SORD: variants seen among roughly 807,000 people sequenced by gnomAD.
The protein encoded by SORD is (R,R)-butanediol dehydrogenase.
In SORD, 18 loss-of-function variants were observed where a neutral mutation model predicts 35.6. The observed-to-expected ratio is 0.51, with a 90% confidence interval of 0.35 to 0.75. SORD has a LOEUF of 0.75. SORD is among the 30% of genes least tolerant of loss of function. SORD has a pLI of 0.01. For synonymous variants in SORD, 106 were observed against 152.9 expected (o/e 0.69, Z 2.26); for missense variants, 250 against 390.2 (o/e 0.64, Z 3.03).
intron 3 of SORD, 68 bp from the exon 4 acceptor site, chr15:45,060,999 C>T (rs761705721): frequency 1.9e-6 from 3 of 1,602,060 alleles, no homozygotes; most frequent in African/African-American, 1.3e-5. Flanking sequence ...AACAAAGAAC[C>T]AGACCAAAGA....
chr15:45,035,053 G>T lies in SORD; in HGVS notation c.67-5355G>T, dbSNP rs928768453. Reference sequence around the variant, plus strand: ...GGCGCTGCGCTCGATTTCTCGCCGGGCCTTAGCTGCCTTCCCGCGGGGCAG... The same window carrying T: ...GGCGCTGCGCTCGATTTCTCGCCGGTCCTTAGCTGCCTTCCCGCGGGGCAG... On this transcript the variant is annotated intron_variant, in intron 1 of 8. Transcript: ENST00000267814. Among the ~76,000 whole-genome samples the T allele has an allele frequency of 9.8e-5, 15 of 152,304 alleles. No homozygotes were observed. The East Asian group carries it at 2.9e-3, about 29-fold the overall frequency.
At chr15:45,023,669 T>A (rs1892625484) in intron 1 of SORD, among the ~76,000 whole-genome samples, 1 of 152,252 alleles carries the variant, frequency 6.6e-6, no homozygotes, top group Non-Finnish European at 1.5e-5. Context: ...CAGCCTCTTG[T>A]CATTGACCTT....
intron 1 of SORD, among the ~76,000 whole-genome samples, chr15:45,029,742 A>G (rs1036165324): frequency 1.3e-5 from 2 of 152,232 alleles, no homozygotes; most frequent in African/African-American, 4.8e-5. Flanking sequence ...CAGATGATTG[A>G]AGGATGGTGA....
At chr15:45,050,143 C>T (rs1156315776) in intron 3 of SORD, among the ~76,000 whole-genome samples, 7 of 152,108 alleles carry the variant, frequency 4.6e-5, no homozygotes, top group Non-Finnish European at 7.4e-5. Context: ...AGTGCAGTGG[C>T]GCCATCTGGC....
At chr15:45,042,479 GA>G (rs1474532792) in intron 2 of SORD, 1 of 151,066 alleles carries the variant, frequency 6.6e-6, no homozygotes, top group East Asian at 1.9e-4. Flanking sequence ...GCGACAGAGG[GA>G]GACTCTGTCT....
rs191728143 is a variant in SORD, at chr15:45,066,682, C to T, written c.544+1293C>T. Among the ~76,000 whole-genome samples, 912 of 152,318 alleles carry T rather than the reference C, an allele frequency of 6.0e-3. 3 individuals are homozygous for T. Among genetic ancestry groups the T allele is most frequent in the Non-Finnish European group, 0.01 (712 of 68,032 alleles). On this transcript the variant is annotated intron_variant, in intron 5 of 8. Transcript: ENST00000267814. ...TCTGGTGACCCAGACAGTACGCTCA[C>T]GCTCCTTGTGGGTGTGATCTGGTGT...
At chr15:45,039,575 C>A (rs1188618377) in intron 1 of SORD, among the ~76,000 whole-genome samples, 1 of 152,242 alleles carries the variant, frequency 6.6e-6, no homozygotes, top group African/African-American at 2.4e-5. Context: ...ACTACTGCTG[C>A]TACTGCTACT....
intron 2 of SORD, 150 bp downstream of exon 2, chr15:45,040,591 A>G (rs36087922): frequency 9.1e-6 from 6 of 660,102 alleles, no homozygotes; most frequent in Non-Finnish European, 1.6e-5. Flanking sequence ...CTGAGAACAG[A>G]GTCTACTGCC....
chr15:45,063,610 A>C (rs986904527), intron 4 of SORD, among the ~76,000 whole-genome samples: 1 of 152,144 alleles, frequency 6.6e-6, no homozygotes, highest in Non-Finnish European at 1.5e-5. Flanking sequence ...CTGCTTAATC[A>C]GTAGAGTATT....
At chr15:45,038,500 A>G (rs1414630517) in intron 1 of SORD, among the ~76,000 whole-genome samples, 1 of 152,196 alleles carries the variant, frequency 6.6e-6, no homozygotes, top group East Asian at 1.9e-4. Context: ...AAGAGGTTCA[A>G]ATTAGCACTG....
chr15:45,064,934 G>A (rs1453383616), intron 4 of SORD, among the ~76,000 whole-genome samples: 1 of 152,178 alleles, frequency 6.6e-6, no homozygotes, highest in Non-Finnish European at 1.5e-5. Context: ...TTCAGATGGG[G>A]ACATTGTGGC....
intron 1 of SORD, among the ~76,000 whole-genome samples, chr15:45,039,128 T>A (rs113496687): frequency 0.021 from 3,085 of 150,164 alleles, 66 homozygotes; most frequent in South Asian, 0.11. Context: ...TCCATCTCTC[T>A]CTCTTCCTTT....
intron 1 of SORD, among the ~76,000 whole-genome samples, chr15:45,035,119 G>C (rs969954249): frequency 3.3e-5 from 5 of 152,168 alleles, no homozygotes; most frequent in African/African-American, 1.2e-4. Context: ...CCCTTCCCCC[G>C]ACTCCGTGGG....
At chr15:45,044,331 G>T (rs556880013) in intron 3 of SORD, among the ~76,000 whole-genome samples, 4,574 of 151,926 alleles carry the variant, frequency 0.03, 76 homozygotes, top group African/African-American at 0.089. Flanking sequence ...TATAACAAGG[G>T]TTTAGTCAGT....
At chr15:45,031,549 C>T (rs748278440) in intron 1 of SORD, among the ~76,000 whole-genome samples, 70 of 152,252 alleles carry the variant, frequency 4.6e-4, no homozygotes, top group Non-Finnish European at 8.7e-4. Context: ...ACTTTCTTTG[C>T]TGTTTTTATA....
Position 45,027,965 on chromosome 15 carries a change from T to G in SORD, c.66+4616T>G, listed in dbSNP as rs1228149230. 2.6e-5 allele frequency among the ~76,000 whole-genome samples: 4 copies of G among 152,386 alleles called. No homozygotes were observed. In the East Asian group the frequency reaches 7.7e-4, roughly 29 times the overall value. ...ACTGTCCACAATGAAGGGCCAATTTTACTTTTTCCAGTCGGCCATGGACTG... is the reference window on the plus strand; with the variant it reads ...ACTGTCCACAATGAAGGGCCAATTTGACTTTTTCCAGTCGGCCATGGACTG... On this transcript the variant is annotated intron_variant, in intron 1 of 8. Transcript: ENST00000267814.
intron 1 of SORD, chr15:45,036,343 T>C (rs1238895994): frequency 2.2e-6 from 1 of 455,978 alleles, no homozygotes; most frequent in Non-Finnish European, 4.4e-6. Context: ...CACACAACTA[T>C]GGTAAAGAAG....
chr15:45,044,768 G>A (rs377671872), intron 3 of SORD, among the ~76,000 whole-genome samples: 1 of 147,872 alleles, frequency 6.8e-6, no homozygotes. Context: ...GTGCAATCTC[G>A]CCTTGCTGCA....
chr15:45,039,035 G>C (rs1324073284), intron 1 of SORD, among the ~76,000 whole-genome samples: 1 of 152,108 alleles, frequency 6.6e-6, no homozygotes, highest in Non-Finnish European at 1.5e-5. Context: ...TCGCAGCTTC[G>C]AATTTCTCAT....
Sources: gnomAD v4.1 joint callset for allele counts (sites outside exome capture counted in the v4.1 genomes callset) on GRCh38, gnomAD v4.1.1 for gene constraint, MANE v1.5 for transcripts, NCBI Gene and HGNC (gene_info 2026-07-23, HGNC 2026-07-21) for gene names.